The following TTC27 variants were observed in gnomAD, a reference collection of about 807,000 sequenced individuals.
TTC27 encodes the protein tetratricopeptide repeat protein 27.
Under a neutral mutation model 115.9 loss-of-function variants are expected in TTC27, and 79 were observed. That is an observed-to-expected ratio of 0.68 (90% CI 0.57 to 0.82). The LOEUF is 0.82. Among genes scored for constraint, TTC27 ranks in the 40% least tolerant of loss-of-function variants. TTC27 has a pLI of 0.00. For synonymous variants in TTC27, 401 were observed against 356.0 expected (o/e 1.13, Z -1.42); for missense variants, 1,054 against 993.1 (o/e 1.06, Z -0.82).
intron 8 of TTC27, among the ~76,000 whole-genome samples, chr2:32,675,722 A>G (rs1322958738): frequency 6.6e-6 from 1 of 152,020 alleles, no homozygotes; most frequent in Admixed American, 6.6e-5. Flanking sequence ...CCCCATGAAG[A>G]GGTGACTTAG....
chr2:32,687,242 C>A (rs1666664381), intron 9 of TTC27, among the ~76,000 whole-genome samples: 2 of 152,248 alleles, frequency 1.3e-5, no homozygotes, highest in Admixed American at 6.5e-5. Context: ...AAGGATTACT[C>A]TATTAATTTT....
intron 8 of TTC27, among the ~76,000 whole-genome samples, chr2:32,676,060 G>C (rs574079495): frequency 6.9e-4 from 105 of 152,140 alleles, no homozygotes; most frequent in African/African-American, 2.4e-3. Flanking sequence ...CCAAAGTGCT[G>C]GGATTACAGC....
intron 13 of TTC27, 101 bp downstream of exon 13, chr2:32,758,620 AGTTT>A (rs1558328807): frequency 3.5e-6 from 4 of 1,151,218 alleles, no homozygotes; most frequent in Non-Finnish European, 5.0e-6. Context: ...ATAACTGGTG[AGTTT>A]GTTTTTGACA....
intron 5 of TTC27, among the ~76,000 whole-genome samples, chr2:32,659,041 T>C (rs1375077833): frequency 1.3e-5 from 2 of 152,190 alleles, no homozygotes; most frequent in Non-Finnish European, 2.9e-5. Flanking sequence ...CATAACTCAC[T>C]GCAGCCTTGA....
intron 9 of TTC27, among the ~76,000 whole-genome samples, chr2:32,684,876 T>G (rs1451507630): frequency 6.7e-6 from 1 of 149,530 alleles, no homozygotes; most frequent in Admixed American, 6.7e-5. Flanking sequence ...CATGTCATAG[T>G]CAGCCTGGTG....
intron 12 of TTC27, among the ~76,000 whole-genome samples, chr2:32,742,224 G>A (rs1479577577): frequency 6.6e-6 from 1 of 152,072 alleles, no homozygotes; most frequent in Admixed American, 6.6e-5. Flanking sequence ...TCCCATCATG[G>A]TTATTGTTAA....
chr2:32,690,858 G>A (rs988504387), intron 9 of TTC27, among the ~76,000 whole-genome samples: 3 of 152,144 alleles, frequency 2.0e-5, no homozygotes, highest in Non-Finnish European at 4.4e-5. Flanking sequence ...ATTAAAAAGC[G>A]GGGATAGTTC....
chr2:32,742,683 C>T (rs938132561), intron 12 of TTC27, among the ~76,000 whole-genome samples: 4 of 152,084 alleles, frequency 2.6e-5, no homozygotes, highest in African/African-American at 4.8e-5. Flanking sequence ...GAGAGGGAAA[C>T]GTGCTTTGGA....
chr2:32,754,917 C>T (rs1470126330), intron 12 of TTC27, among the ~76,000 whole-genome samples: 5 of 151,110 alleles, frequency 3.3e-5, no homozygotes, highest in East Asian at 2.0e-4. Flanking sequence ...GGCTGCCGGG[C>T]GGGGATGCTC....
intron 18 of TTC27, among the ~76,000 whole-genome samples, 197 bp from the exon 19 acceptor site, chr2:32,817,257 AAAG>A (rs566041116): frequency 1.3e-3 from 196 of 151,958 alleles, no homozygotes; most frequent in African/African-American, 3.9e-3. Context: ...TAAAAAAAAA[AAAG>A]AAGAAGAAGA....
At chr2:32,817,087 T>G (rs1240959065) in intron 18 of TTC27, among the ~76,000 whole-genome samples, 1 of 151,970 alleles carries the variant, frequency 6.6e-6, no homozygotes, top group African/African-American at 2.4e-5. Context: ...GAGCAGTAAA[T>G]TACCATTCTT....
intron 10 of TTC27, among the ~76,000 whole-genome samples, chr2:32,727,420 T>C (rs2151912556): frequency 6.6e-6 from 1 of 152,322 alleles, no homozygotes; most frequent in East Asian, 1.9e-4. Flanking sequence ...GAGTATTTAA[T>C]GTAACAAAGA....
chr2:32,726,146 C>G (rs936330948), intron 10 of TTC27, among the ~76,000 whole-genome samples: 1 of 152,182 alleles, frequency 6.6e-6, no homozygotes, highest in Non-Finnish European at 1.5e-5. Context: ...TGTGAAGACC[C>G]CTTTCGCCCT....
intron 16 of TTC27, among the ~76,000 whole-genome samples, chr2:32,793,645 C>T (rs1670607705): frequency 6.6e-6 from 1 of 152,120 alleles, no homozygotes; most frequent in Non-Finnish European, 1.5e-5. Flanking sequence ...GCCTCAGCCT[C>T]CTGAGTAACT....
Position 32,643,060 on chromosome 2 carries a change from C to T in TTC27, c.537+2650C>T, listed in dbSNP as rs189244362. 2.6e-5 allele frequency among the ~76,000 whole-genome samples: 4 copies of T among 152,230 alleles called. 1 individual carries two copies. The East Asian group carries it at 5.8e-4, about 22-fold the overall frequency. On this transcript the variant is annotated intron_variant, in intron 4 of 19. Coordinates refer to ENST00000317907, the MANE Select transcript of TTC27 (RefSeq NM_017735.5). ...TCTTGGCTCACTGCAATCTACGCCT[C>T]CCAGGTTCAAGTGATTTTCCCACCT... is the stretch of plus-strand genomic sequence containing the variant.
intron 13 of TTC27, among the ~76,000 whole-genome samples, chr2:32,769,574 A>G (rs780656920): frequency 3.2e-4 from 48 of 152,206 alleles, no homozygotes; most frequent in Non-Finnish European, 3.5e-4. Context: ...TCCTGTGGAT[A>G]AAGGAGAGAT....
chr2:32,704,903 T>C (rs2151902297), intron 10 of TTC27: 1 of 471,350 alleles, frequency 2.1e-6, no homozygotes, highest in Non-Finnish European at 4.4e-6. Flanking sequence ...GGGATGTTAT[T>C]TGATCATTCA....
At chr2:32,632,575 G>C (rs1354290117) in intron 2 of TTC27, among the ~76,000 whole-genome samples, 5 of 152,090 alleles carry the variant, frequency 3.3e-5, no homozygotes, top group Non-Finnish European at 1.5e-5. Flanking sequence ...ACTTCTGATT[G>C]CATACCAGCT....
chr2:32,683,141 C>T (rs2151890927), intron 9 of TTC27, among the ~76,000 whole-genome samples: 1 of 152,118 alleles, frequency 6.6e-6, no homozygotes, highest in Admixed American at 6.5e-5. Context: ...AGGCATGAGC[C>T]ACTGCACCAG....
Sources: gnomAD v4.1 joint callset for allele counts (sites outside exome capture counted in the v4.1 genomes callset) on GRCh38, gnomAD v4.1.1 for gene constraint, MANE v1.5 for transcripts, NCBI Gene and HGNC (gene_info 2026-07-23, HGNC 2026-07-21) for gene names.